ABCC1: variants seen among roughly 807,000 people sequenced by gnomAD.
ABCC1 encodes multidrug resistance-associated protein 1.
In ABCC1, 83 loss-of-function variants were observed where a neutral mutation model predicts 172.9. The observed-to-expected ratio is 0.48, with a 90% CI of 0.40 to 0.58. The LOEUF is 0.58. ABCC1 is among the 20% of genes least tolerant of loss of function. ABCC1 has a pLI of 0.00. For synonymous variants in ABCC1, 937 were observed against 825.2 expected (o/e 1.14, Z -2.32); for missense variants, 1,817 against 2,002.7 (o/e 0.91, Z 1.77).
chr16:16,008,773 G>T (rs564665477), intron 2 of ABCC1, among the ~76,000 whole-genome samples: 7 of 149,226 alleles, frequency 4.7e-5, no homozygotes, highest in Non-Finnish European at 1.0e-4. Flanking sequence ...AACCCAGGAG[G>T]CAGAGGTTGC....
chr16:15,988,935 G>C (rs1228934270), intron 1 of ABCC1, among the ~76,000 whole-genome samples: 1 of 151,800 alleles, frequency 6.6e-6, no homozygotes, highest in East Asian at 1.9e-4. Flanking sequence ...CAGGCTTGGT[G>C]GTGTGCACCT....
At chr16:16,006,900 GCGA>G (rs1309133064) in intron 1 of ABCC1, among the ~76,000 whole-genome samples, 2 of 142,718 alleles carry the variant, frequency 1.4e-5, no homozygotes, top group Non-Finnish European at 1.5e-5. Context: ...GGTGATGGTG[GCGA>G]TGGTGATGAT....
chr16:16,045,046 G>A (rs1305419087), intron 8 of ABCC1, among the ~76,000 whole-genome samples: 1 of 152,070 alleles, frequency 6.6e-6, no homozygotes, highest in Non-Finnish European at 1.5e-5. Context: ...ACCCAAATGG[G>A]GAGGATATGG....
intron 17 of ABCC1, 133 bp downstream of exon 17, chr16:16,083,675 GCA>G (rs1236762013): frequency 1.0e-4 from 117 of 1,163,642 alleles, no homozygotes; most frequent in Middle Eastern, 3.0e-4. Flanking sequence ...CGGCTCTGCT[GCA>G]CGCTGCAGGC....
chr16:16,119,634 T>A (rs2045063660), intron 23 of ABCC1, among the ~76,000 whole-genome samples: 2 of 152,102 alleles, frequency 1.3e-5, no homozygotes, highest in African/African-American at 4.8e-5. Context: ...GAGGTTGCAA[T>A]GAGCCAAGAT....
At position 16,083,409 on chromosome 16, in the gene ABCC1, A is replaced by G. The variant is rs775687628; in HGVS notation, c.2159A>G (p.Asp720Gly). 6.2e-7 allele frequency: 1 copy of G among 1,613,738 alleles called. No individual in the cohort carries two copies. The highest frequency in any genetic ancestry group is 1.1e-5 in the South Asian group (1 of 91,066). ...CCACAGCAGGCCTGGATTCAGAATG[A>G]TTCTCTCCGAGAAAACATCCTTTTT... ...YVPQQAWIQN[D>G]SLRENILFGC... The change falls in exon 17 of 31, where the codon GAT (aspartate) becomes GGT (glycine). Residue 720 changes from aspartate (D) to glycine (G), a missense_variant. By Grantham distance (94) the Asp-to-Gly change is moderately conservative. Around this residue, in one of 3 missense-constraint regions of ABCC1, gnomAD observed 1,412 missense variants for 1,600.3 expected, o/e 0.88. Coordinates refer to ENST00000399410, the MANE Select transcript of ABCC1 (RefSeq NM_004996.4).
intron 23 of ABCC1, among the ~76,000 whole-genome samples, chr16:16,120,497 G>A (rs545185309): frequency 1.2e-4 from 19 of 152,274 alleles, no homozygotes; most frequent in African/African-American, 4.6e-4. Context: ...CCCAGGTTGG[G>A]GGAGGCAGAG....
intron 7 of ABCC1, among the ~76,000 whole-genome samples, chr16:16,037,904 G>C (rs576085983): frequency 6.6e-6 from 1 of 152,198 alleles, no homozygotes; most frequent in South Asian, 2.1e-4. Context: ...AAATTGTCTC[G>C]TGGGAGGCAG....
chr16:16,102,765 T>G, intron 20 of ABCC1, 48 bp downstream of exon 20: 1 of 1,532,730 alleles, frequency 6.5e-7, no homozygotes, highest in Non-Finnish European at 8.8e-7. Context: ...GCCCTGCCAG[T>G]GGGAGGACAA....
chr16:16,043,222 G>GTTTTTTT lies in ABCC1; in HGVS notation c.810-1213_810-1207dup, dbSNP rs147161637. On this transcript the variant is annotated intron_variant, in intron 7 of 30. Coordinates refer to ENST00000399410, the MANE Select transcript of ABCC1 (RefSeq NM_004996.4). ...CTGTGTTGCTCTGGCTGGCTGGACTGTTTTTTTTTTTTTTTTTTTTTCCAC... is the reference window on the plus strand; with the variant it reads ...CTGTGTTGCTCTGGCTGGCTGGACTGTTTTTTTTTTTTTTTTTTTTTTTTTTTTCCAC... Among the ~76,000 whole-genome samples, 191 of 89,472 alleles carry GTTTTTTT rather than the reference G, an allele frequency of 2.1e-3. 5 individuals carry two copies. The highest frequency in any genetic ancestry group is 6.1e-3 in the African/African-American group (120 of 19,680). 58.7% of individuals were successfully genotyped at this position (89,472 alleles called of 152,430 possible). A position where few individuals can be genotyped will look rare whatever the true frequency, so the allele number is the denominator to read the frequency against.
At chr16:16,074,744 G>A (rs941582787) in intron 14 of ABCC1, among the ~76,000 whole-genome samples, 2 of 152,016 alleles carry the variant, frequency 1.3e-5, no homozygotes, top group Non-Finnish European at 2.9e-5. Flanking sequence ...CTCATTCCAC[G>A]TCCACTCGTA....
intron 1 of ABCC1, among the ~76,000 whole-genome samples, chr16:15,959,855 G>T (rs529287060): frequency 3.9e-5 from 6 of 152,212 alleles, no homozygotes; most frequent in African/African-American, 1.4e-4. Context: ...AGATTTTTAT[G>T]GAGGTTTTCT....
chr16:16,083,610 T>C, intron 17 of ABCC1, 68 bp downstream of exon 17: 2 of 1,561,678 alleles, frequency 1.3e-6, no homozygotes. Context: ...GCTCTCACAA[T>C]CTCAGTGGGC....
At chr16:16,030,131 GTTTC>G (rs1449505846) in intron 5 of ABCC1, among the ~76,000 whole-genome samples, 1 of 152,162 alleles carries the variant, frequency 6.6e-6, no homozygotes, top group Admixed American at 6.5e-5. Flanking sequence ...GAAAATACTT[GTTTC>G]TTTCCGCTTT....
chr16:16,141,152 T>A (rs45506691), intron 30 of ABCC1, 21 bp from the exon 31 acceptor site: 507 of 1,610,862 alleles, frequency 3.1e-4, no homozygotes, highest in Middle Eastern at 1.2e-3. Flanking sequence ...TCCCCTCATG[T>A]CTGTATCCCC....
At chr16:16,046,769 T>A (rs1218349116) in intron 9 of ABCC1, among the ~76,000 whole-genome samples, 1 of 151,788 alleles carries the variant, frequency 6.6e-6, no homozygotes, top group Non-Finnish European at 1.5e-5. Flanking sequence ...CTATAAATTT[T>A]TTTTTTTTTT....
intron 30 of ABCC1, among the ~76,000 whole-genome samples, chr16:16,140,228 A>ACT (rs2046077098): frequency 6.6e-6 from 1 of 152,222 alleles, no homozygotes; most frequent in African/African-American, 2.4e-5. Context: ...TAGGCCAGAA[A>ACT]GGTAGGCAGG....
chr16:16,042,444 C>T (rs1419516690), intron 7 of ABCC1, among the ~76,000 whole-genome samples: 3 of 152,040 alleles, frequency 2.0e-5, no homozygotes, highest in Non-Finnish European at 4.4e-5. Flanking sequence ...GGCTCATGCC[C>T]ATAATCTCAG....
chr16:16,008,666 G>GA (rs2047650880), intron 2 of ABCC1, among the ~76,000 whole-genome samples: 2 of 151,832 alleles, frequency 1.3e-5, no homozygotes, highest in African/African-American at 4.8e-5. Context: ...CCAACATGGT[G>GA]AACCTGTCTC....
Sources: gnomAD v4.1 joint callset for allele counts (sites outside exome capture counted in the v4.1 genomes callset) on GRCh38, gnomAD v4.1.1 for gene constraint, gnomAD v4.1.1 regional missense constraint, MANE v1.5 for transcripts, NCBI Gene and HGNC (gene_info 2026-07-23, HGNC 2026-07-21) for gene names.